ZNF827: variants seen among roughly 807,000 people sequenced by gnomAD.
ZNF827 encodes the protein zinc finger protein 827.
ZNF827 carries 13 observed loss-of-function variants against 102.4 expected under a neutral mutation model. That is an observed-to-expected ratio of 0.13 (90% CI 0.08 to 0.20). The LOEUF is 0.20. Ranked by LOEUF, ZNF827 falls within the 10% of genes least tolerant of loss-of-function variation. The probability of loss-of-function intolerance (pLI) is 1.00; values close to 1 mark genes in which losing one functional copy is unlikely to be tolerated. For synonymous variants in ZNF827, 523 were observed against 536.2 expected, an observed-to-expected ratio of 0.98 and a Z score of 0.34; for missense variants, 1,103 against 1,344.4, an observed-to-expected ratio of 0.82 and a Z score of 2.81.
chr4:145,811,888 G>A (rs1742046920), intron 8 of ZNF827, among the ~76,000 whole-genome samples: 1 of 151,668 alleles, frequency 6.6e-6, no homozygotes, highest in Admixed American at 6.6e-5. Context: ...GCTCAGAGAT[G>A]GGAAAAAAAT....
intron 5 of ZNF827, among the ~76,000 whole-genome samples, chr4:145,850,399 G>A (rs1237744985): frequency 6.6e-6 from 1 of 152,168 alleles, no homozygotes; most frequent in Non-Finnish European, 1.5e-5. Flanking sequence ...CAATTCAACG[G>A]AGACATTTGC....
At chr4:145,920,558 AG>A (rs1398911323) in intron 1 of ZNF827, among the ~76,000 whole-genome samples, 3 of 152,256 alleles carry the variant, frequency 2.0e-5, no homozygotes, top group African/African-American at 7.2e-5. Context: ...GCGAATGTCC[AG>A]GGTACTGTTC....
intron 6 of ZNF827, among the ~76,000 whole-genome samples, chr4:145,847,214 A>C (rs116797264): frequency 0.01 from 1,535 of 152,292 alleles, 26 homozygotes; most frequent in African/African-American, 0.034. Context: ...AACAAATATC[A>C]AATATCAAGT....
At chr4:145,818,827 A>G (rs2356562) in intron 8 of ZNF827, among the ~76,000 whole-genome samples, 152,291 of 152,298 alleles carry the variant, frequency 1, 76,142 homozygotes, top group Non-Finnish European at 1. Context: ...GCATTCTAAT[A>G]CAAGGCATCA....
At position 145,921,249 on chromosome 4, in the gene ZNF827, T is replaced by C. The variant is rs554979616; in HGVS notation, c.43+17116A>G. ...TTCAGTACGAATAAAACAAGGAGTATACAACATGGCAGAGGAAAGGGGCTT... is the reference window on the plus strand; with the variant it reads ...TTCAGTACGAATAAAACAAGGAGTACACAACATGGCAGAGGAAAGGGGCTT... On this transcript the variant is annotated intron_variant, in intron 1 of 14. Transcript: ENST00000508784. 3.9e-5 allele frequency among the ~76,000 whole-genome samples: 6 copies of C among 152,308 alleles called. No homozygotes were observed. In the East Asian group the frequency reaches 7.7e-4, roughly 20 times the overall value.
intron 4 of ZNF827, among the ~76,000 whole-genome samples, chr4:145,874,833 C>A (rs1454143240): frequency 1.3e-5 from 2 of 152,162 alleles, no homozygotes; most frequent in Non-Finnish European, 2.9e-5. Context: ...ATCAAGAGGC[C>A]CCCTCTCTCG....
chr4:145,925,084 A>T lies in ZNF827; in HGVS notation c.43+13281T>A, dbSNP rs1393796238. ...CATCTTACATGGCAGCAGGCAAGAGAGTGTGTGCAGGGGAACTCCCCTTTA... is the reference window on the plus strand; with the variant it reads ...CATCTTACATGGCAGCAGGCAAGAGTGTGTGTGCAGGGGAACTCCCCTTTA... On this transcript the variant is annotated intron_variant, in intron 1 of 14. Transcript: ENST00000508784. 3.3e-5 allele frequency among the ~76,000 whole-genome samples: 5 copies of T among 152,142 alleles called. No individual in the cohort carries two copies. In the East Asian group the frequency reaches 7.7e-4, roughly 23 times the overall value.
rs1735191634 is a variant in ZNF827, at chr4:145,765,766, G to C, written c.2861-28C>G. 1 of 1,600,378 alleles carries C rather than the reference G, an allele frequency of 6.2e-7. No homozygotes were observed. Among genetic ancestry groups the C allele is most frequent in the Non-Finnish European group, 8.5e-7 (1 of 1,172,446 alleles). ...GAAAAATAAGCAAATAACCCAGTCT[G>C]TTAATGAGATGAAAATCCTCAGAAT... On this transcript the variant is annotated intron_variant, in intron 11 of 14. Transcript: ENST00000508784. This position sits in a 1 kb window ranked among gnomAD's most constrained non-coding sequence, Gnocchi z 4.7.
At chr4:145,777,920 T>C (rs2126962600) in intron 9 of ZNF827, among the ~76,000 whole-genome samples, 1 of 152,280 alleles carries the variant, frequency 6.6e-6, no homozygotes, top group South Asian at 2.1e-4. Flanking sequence ...TTTTCTTTGG[T>C]CCAATTAGGC....
At chr4:145,836,403 T>C (rs1041920983) in intron 7 of ZNF827, among the ~76,000 whole-genome samples, 3 of 152,184 alleles carry the variant, frequency 2.0e-5, no homozygotes, top group South Asian at 2.1e-4. Context: ...CAGTGGCTGC[T>C]GCTGCTTTAA....
At position 145,885,795 on chromosome 4, in the gene ZNF827, G is replaced by A. The variant is rs199767989; in HGVS notation, c.1630C>T (p.Pro544Ser). Residue 544 changes from proline (P) to serine (S), a missense_variant, in exon 4 of 15, where the codon CCC (proline) becomes TCC (serine). Transcript: ENST00000508784. ...TSFTLNAADR[P>S]ANHTKLKDPS... ...TCTTTCAGCTTTGTGTGGTTGGCGG[G>A]CCTGTCGGCAGCATTCAAAGTAAAG... The A allele has an allele frequency of 8.7e-6, 14 of 1,613,062 alleles. No individual in the cohort carries two copies. The East Asian group carries it at 2.9e-4, about 33-fold the overall frequency.
At chr4:145,827,091 G>A (rs1743761138) in intron 7 of ZNF827, among the ~76,000 whole-genome samples, 1 of 152,176 alleles carries the variant, frequency 6.6e-6, no homozygotes. Context: ...GGATAAGGAG[G>A]GACTACTGCA....
intron 5 of ZNF827, among the ~76,000 whole-genome samples, chr4:145,865,812 G>A (rs919794915): frequency 6.6e-6 from 1 of 152,148 alleles, no homozygotes; most frequent in Non-Finnish European, 1.5e-5. Flanking sequence ...AATCCCACAT[G>A]GCTAATGGCA....
At chr4:145,937,651 C>G (rs1754305263) in intron 1 of ZNF827, among the ~76,000 whole-genome samples, 1 of 145,712 alleles carries the variant, frequency 6.9e-6, no homozygotes, top group Admixed American at 6.8e-5. Context: ...GTGTGCGGTG[C>G]CCCTACACCC....
chr4:145,909,445 C>T (rs1266869510), intron 1 of ZNF827, among the ~76,000 whole-genome samples: 1 of 152,230 alleles, frequency 6.6e-6, no homozygotes, highest in African/African-American at 2.4e-5. Flanking sequence ...CCTCTCAGGC[C>T]ACTTTTCCCA....
chr4:145,881,608 A>T (rs1312731896), intron 4 of ZNF827, among the ~76,000 whole-genome samples: 10 of 152,202 alleles, frequency 6.6e-5, no homozygotes, highest in Non-Finnish European at 1.5e-4. Context: ...CAGGCTTCTA[A>T]TAATGACGAC....
At chr4:145,845,800 C>T (rs923265512) in intron 7 of ZNF827, among the ~76,000 whole-genome samples, 156 bp downstream of exon 7, 1 of 152,208 alleles carries the variant, frequency 6.6e-6, no homozygotes, top group African/African-American at 2.4e-5. Context: ...TGTATTGTTT[C>T]TACCAACCAA....
At chr4:145,766,535 T>C (rs903319310) in intron 11 of ZNF827, among the ~76,000 whole-genome samples, 11 of 152,164 alleles carry the variant, frequency 7.2e-5, no homozygotes, top group Admixed American at 7.2e-4. Flanking sequence ...AGGTGGAACC[T>C]GACAGACTCC....
At chr4:145,858,134 AGTGTGTGTGTGTGTGT>A (rs10553157) in intron 5 of ZNF827, among the ~76,000 whole-genome samples, 18 of 147,102 alleles carry the variant, frequency 1.2e-4, no homozygotes, top group African/African-American at 4.0e-4. Context: ...TGCATGTGTG[AGTGTGTGTGTGTGTGT>A]GTGTGTGTGT....
Sources: allele counts gnomAD v4.1 joint callset (sites outside exome capture counted in the v4.1 genomes callset), GRCh38; gene constraint gnomAD v4.1.1; non-coding constraint Gnocchi (gnomAD v3.1); transcripts MANE v1.5; gene names NCBI Gene and HGNC (gene_info 2026-07-23, HGNC 2026-07-21).